CAMSAP2: variants seen among roughly 807,000 people sequenced by gnomAD.
CAMSAP2 encodes calmodulin-regulated spectrin-associated protein 2.
A neutral mutation model predicts 146.1 loss-of-function variants in CAMSAP2; 26 were observed. That is an observed-to-expected ratio of 0.18 (90% confidence interval 0.13 to 0.25). CAMSAP2 has a LOEUF of 0.25. CAMSAP2 is among the 10% of genes least tolerant of loss of function. The pLI is 1.00. For missense variants in CAMSAP2, 1,381 were observed against 1,759.3 expected (o/e 0.78, Z 3.85); for synonymous variants, 499 against 596.6 (o/e 0.84, Z 2.38).
chr1:200,779,983 A>G (rs1288394058), intron 2 of CAMSAP2, among the ~76,000 whole-genome samples: 1 of 152,186 alleles, frequency 6.6e-6, no homozygotes, highest in Non-Finnish European at 1.5e-5. Context: ...AATAAATACT[A>G]TGCATAGGTA....
At chr1:200,821,171 T>G (rs532643136) in intron 4 of CAMSAP2, among the ~76,000 whole-genome samples, 29 of 151,654 alleles carry the variant, frequency 1.9e-4, no homozygotes, top group Admixed American at 8.5e-4. Flanking sequence ...GTAGCCTGCT[T>G]CTTCTTCTTC....
Position 200,853,672 on chromosome 1 carries a change from T to C in CAMSAP2, c.3823+177T>C, listed in dbSNP as rs1667681077. On this transcript the variant is annotated intron_variant, in intron 13 of 16. Coordinates refer to ENST00000358823, the MANE Select transcript of CAMSAP2 (RefSeq NM_203459.4). This position sits in a 1 kb window ranked among gnomAD's most constrained non-coding sequence, Gnocchi z 5.1. The stretch of plus-strand genomic sequence containing the variant: ...AGTTTTTAATAAATTAAATGTATTA[T>C]GTGTGCATGCATATATTCAGTAGAA... Among the ~76,000 whole-genome samples the C allele has an allele frequency of 6.6e-6, 1 of 152,258 alleles. No homozygotes were observed. Among genetic ancestry groups the C allele is most frequent in the African/African-American group, 2.4e-5 (1 of 41,482 alleles).
intron 14 of CAMSAP2, 65 bp from the exon 15 acceptor site, chr1:200,855,945 G>A (rs377189993): frequency 3.7e-5 from 39 of 1,049,084 alleles, no homozygotes; most frequent in Admixed American, 2.4e-4. Context: ...TTACTTTCAC[G>A]TATACCCTCT....
chr1:200,843,474 C>T (rs1427560697), intron 7 of CAMSAP2, among the ~76,000 whole-genome samples: 3 of 152,080 alleles, frequency 2.0e-5, no homozygotes. Context: ...TGAGATGCTC[C>T]CCTAAGTCCA....
At position 200,795,466 on chromosome 1, in the gene CAMSAP2, A is replaced by G. The variant is rs561239111; in HGVS notation, c.400-11910A>G. 6.6e-5 allele frequency among the ~76,000 whole-genome samples: 10 copies of G among 152,196 alleles called. No individual in the cohort carries two copies. In the South Asian group the frequency reaches 2.1e-3, roughly 32 times the overall value. On this transcript the variant is annotated intron_variant, in intron 2 of 16. Transcript: ENST00000358823. ...CTCTAAACTGTTTCCTTTGTTTACT[A>G]TATTGGTTTGACTACTAGTATGCCA...
chr1:200,811,271 T>C (rs971162141), intron 3 of CAMSAP2, among the ~76,000 whole-genome samples: 3 of 152,130 alleles, frequency 2.0e-5, no homozygotes, highest in Non-Finnish European at 4.4e-5. Flanking sequence ...AGCAGTTTTT[T>C]CTCCCTGCAC....
At chr1:200,809,454 T>C (rs1425793964) in intron 3 of CAMSAP2, among the ~76,000 whole-genome samples, 2 of 152,224 alleles carry the variant, frequency 1.3e-5, no homozygotes, top group Non-Finnish European at 2.9e-5. Flanking sequence ...ACAGAATACC[T>C]GAGCCGGGCT....
At chr1:200,815,729 T>G (rs1666464246) in intron 4 of CAMSAP2, 85 bp downstream of exon 4, 1 of 654,704 alleles carries the variant, frequency 1.5e-6, no homozygotes, top group South Asian at 4.2e-5. Flanking sequence ...ATGTTAATTG[T>G]GTTTATTAAA....
chr1:200,826,172 T>C (rs557791653), intron 4 of CAMSAP2, among the ~76,000 whole-genome samples: 7 of 152,230 alleles, frequency 4.6e-5, no homozygotes, highest in African/African-American at 1.7e-4. Context: ...GGCTCACACT[T>C]GTAATCCCAG....
intron 2 of CAMSAP2, among the ~76,000 whole-genome samples, chr1:200,785,416 G>T (rs939527300): frequency 1.4e-5 from 2 of 147,146 alleles, no homozygotes; most frequent in Non-Finnish European, 3.0e-5. Context: ...TTGAGGTGGA[G>T]TCTCACTCTG....
rs189977470 is a variant in CAMSAP2, at chr1:200,786,540, T to G, written c.400-20836T>G. 7.2e-5 allele frequency among the ~76,000 whole-genome samples: 11 copies of G among 152,136 alleles called. No homozygotes were observed. The East Asian group carries it at 2.1e-3, about 29-fold the overall frequency. On this transcript the variant is annotated intron_variant, in intron 2 of 16. Coordinates refer to ENST00000358823, the MANE Select transcript of CAMSAP2 (RefSeq NM_203459.4). ...CTGGAATTATAGGCGCCCACCACCA[T>G]GCCCAGCTAATGTTTGTATTTTTAG... is the stretch of plus-strand genomic sequence containing the variant.
chr1:200,855,961 C>T, intron 14 of CAMSAP2, 49 bp from the exon 15 acceptor site: 1 of 1,263,154 alleles, frequency 7.9e-7, no homozygotes, highest in Non-Finnish European at 1.1e-6. Flanking sequence ...CCTCTGGGCC[C>T]CATTTTTTCT....
chr1:200,816,708 A>C (rs143913662), intron 4 of CAMSAP2, among the ~76,000 whole-genome samples: 1 of 120,276 alleles, frequency 8.3e-6, no homozygotes, highest in African/African-American at 2.9e-5. Context: ...ATATATGTGT[A>C]TATATACACA....
At chr1:200,758,715 C>A (rs892129687) in intron 1 of CAMSAP2, among the ~76,000 whole-genome samples, 4 of 152,090 alleles carry the variant, frequency 2.6e-5, no homozygotes, top group Non-Finnish European at 4.4e-5. Flanking sequence ...TTTGATCTTG[C>A]TTTTAGAATT....
intron 2 of CAMSAP2, among the ~76,000 whole-genome samples, chr1:200,770,703 C>T (rs577592762): frequency 4.6e-5 from 7 of 152,226 alleles, no homozygotes; most frequent in East Asian, 3.9e-4. Context: ...CGTGAGCCAC[C>T]GCACCTGGCC....
At chr1:200,786,340 T>C (rs1665588157) in intron 2 of CAMSAP2, among the ~76,000 whole-genome samples, 1 of 152,130 alleles carries the variant, frequency 6.6e-6, no homozygotes. Context: ...TTTTAAAGCT[T>C]TCTTCTTTTC....
rs559114920 is a variant in CAMSAP2, at chr1:200,796,828, C to G, written c.400-10548C>G. On this transcript the variant is annotated intron_variant, in intron 2 of 16. Coordinates refer to ENST00000358823, the MANE Select transcript of CAMSAP2 (RefSeq NM_203459.4). ...CAATGCTATCCCTCCCCTCTCCCCC[C>G]ACCCCACAACAGTCCCCAGAGTGTG... Among the ~76,000 whole-genome samples the G allele has an allele frequency of 7.5e-3, 1,133 of 152,050 alleles. 12 individuals are homozygous for G. Among genetic ancestry groups the G allele is most frequent in the Middle Eastern group, 0.044 (13 of 294 alleles).
chr1:200,816,752 ATATATGTGTGTACACACACACG>A (rs1558190838), intron 4 of CAMSAP2, among the ~76,000 whole-genome samples: 1 of 126,526 alleles, frequency 7.9e-6, no homozygotes, highest in Non-Finnish European at 1.7e-5. Context: ...ACACGCGTGT[ATATATGTGTGTACACACACACG>A]CGTGTATATA....
intron 2 of CAMSAP2, among the ~76,000 whole-genome samples, chr1:200,775,591 G>A (rs977581908): frequency 3.9e-5 from 6 of 152,022 alleles, no homozygotes; most frequent in Non-Finnish European, 8.8e-5. Context: ...GTGCAGTGGC[G>A]CAATCTCAGC....
Sources: allele counts gnomAD v4.1 joint callset (sites outside exome capture counted in the v4.1 genomes callset), GRCh38; gene constraint gnomAD v4.1.1; non-coding constraint Gnocchi (gnomAD v3.1); transcripts MANE v1.5; gene names NCBI Gene and HGNC (gene_info 2026-07-23, HGNC 2026-07-21).